Variants in CTNND2 observed in about 807,000 individuals in gnomAD.
CTNND2 encodes the protein catenin delta-2.
Under a neutral mutation model 144.4 loss-of-function variants are expected in CTNND2, and 22 were observed. The observed-to-expected ratio is 0.15, with a 90% CI of 0.11 to 0.22. The LOEUF is 0.22. CTNND2 is among the 10% of genes least tolerant of loss of function. The pLI is 1.00. For missense variants in CTNND2, 1,353 were observed against 1,618.8 expected, an observed-to-expected ratio of 0.84 and a Z score of 2.82; for synonymous variants, 751 against 695.6, an observed-to-expected ratio of 1.08 and a Z score of -1.25.
chr5:11,264,599 A>G (rs1745252190), intron 9 of CTNND2, among the ~76,000 whole-genome samples: 1 of 152,194 alleles, frequency 6.6e-6, no homozygotes, highest in African/African-American at 2.4e-5. Flanking sequence ...CGGCTACACT[A>G]TCTTAGAGGC....
chr5:11,768,934 G>C (rs1342720042), intron 1 of CTNND2, among the ~76,000 whole-genome samples: 1 of 152,096 alleles, frequency 6.6e-6, no homozygotes, highest in Non-Finnish European at 1.5e-5. Flanking sequence ...GCTCCCCTCA[G>C]TTAACATAAT....
In CTNND2 at chr5:11,102,970, A is replaced by ATTTTTTTTTTTTT. The variant is rs778134907; in HGVS notation, c.2464-4235_2464-4223dup. On this transcript the variant is annotated intron_variant, in intron 14 of 21. Transcript: ENST00000304623. Reference sequence around the variant, plus strand: ...GCAGGGCTTAAATTCTATTTAAAAGATTTTTTTTTTTTTTTTTTTTTTTTT... The same window carrying ATTTTTTTTTTTTT: ...GCAGGGCTTAAATTCTATTTAAAAGATTTTTTTTTTTTTTTTTTTTTTTTTTTTTTTTTTTTTT... Among the ~76,000 whole-genome samples the ATTTTTTTTTTTTT allele has an allele frequency of 1.9e-3, 163 of 84,078 alleles. 9 individuals carry two copies. The highest frequency in any genetic ancestry group is 3.0e-3 in the Non-Finnish European group (139 of 46,208). 55.2% of individuals were successfully genotyped at this position (84,078 alleles called of 152,430 possible).
chr5:11,879,795 A>G (rs1263433482), intron 1 of CTNND2, among the ~76,000 whole-genome samples: 3 of 152,152 alleles, frequency 2.0e-5, no homozygotes, highest in Admixed American at 6.5e-5. Flanking sequence ...TGCTTTTTCT[A>G]TGATGTGGGT....
intron 3 of CTNND2, among the ~76,000 whole-genome samples, chr5:11,514,858 A>G (rs774229671): frequency 9.9e-5 from 15 of 152,194 alleles, no homozygotes; most frequent in Non-Finnish European, 1.9e-4. Flanking sequence ...GATGGAGTGC[A>G]GTGGTGCGAT....
chr5:11,509,568 AG>A (rs1771434050), intron 3 of CTNND2, among the ~76,000 whole-genome samples: 1 of 152,226 alleles, frequency 6.6e-6, no homozygotes, highest in African/African-American at 2.4e-5. Flanking sequence ...TTACATTTAT[AG>A]GATACAGAAA....
intron 1 of CTNND2, among the ~76,000 whole-genome samples, chr5:11,779,687 T>C (rs1184934628): frequency 6.6e-6 from 1 of 152,226 alleles, no homozygotes; most frequent in Non-Finnish European, 1.5e-5. Context: ...TGTATAAATA[T>C]CAAATGGTTT....
chr5:11,534,134 T>A (rs1774002600), intron 3 of CTNND2, among the ~76,000 whole-genome samples: 1 of 152,242 alleles, frequency 6.6e-6, no homozygotes, highest in Non-Finnish European at 1.5e-5. Context: ...ATTTATATTT[T>A]GTAAGCCATT....
At chr5:11,036,515 C>T (rs554562059) in intron 16 of CTNND2, among the ~76,000 whole-genome samples, 8 of 152,080 alleles carry the variant, frequency 5.3e-5, no homozygotes, top group Middle Eastern at 3.4e-3. Flanking sequence ...CTGCCTCCTG[C>T]GTTCAAACAA....
intron 1 of CTNND2, among the ~76,000 whole-genome samples, chr5:11,869,029 A>G (rs10053321): frequency 0.65 from 99,158 of 152,052 alleles, 33,038 homozygotes; most frequent in East Asian, 0.81. Flanking sequence ...TTAGGGAAGC[A>G]CAAATCAAAA....
rs79981291 is a variant in CTNND2, at chr5:11,472,300, T to C, written c.288-60231A>G. Among the ~76,000 whole-genome samples, 533 of 152,354 alleles carry C rather than the reference T, an allele frequency of 3.5e-3. 4 individuals carry two copies. The highest frequency in any genetic ancestry group is 0.02 in the East Asian group (104 of 5,184). ...TATCTCAAGCCTTGACGTAGCTTTG[T>C]ATAACATTCCTGGCATCAGTACCAT... On this transcript the variant is annotated intron_variant, in intron 3 of 21. Coordinates refer to ENST00000304623, the MANE Select transcript of CTNND2 (RefSeq NM_001332.4).
At chr5:11,128,932 T>TATATATAATATATAATACATAA (rs1561350703) in intron 12 of CTNND2, among the ~76,000 whole-genome samples, 8 of 30,944 alleles carry the variant, frequency 2.6e-4, no homozygotes, top group African/African-American at 6.7e-4. Context: ...AATACATAAA[T>TATATATAATATATAATACATAA]ATATATATTA....
chr5:11,469,500 C>G (rs2149950990), intron 3 of CTNND2, among the ~76,000 whole-genome samples: 1 of 152,226 alleles, frequency 6.6e-6, no homozygotes, highest in South Asian at 2.1e-4. Flanking sequence ...GCCCTGAAAC[C>G]TGGATGCACG....
intron 3 of CTNND2, among the ~76,000 whole-genome samples, chr5:11,521,823 A>G (rs1772749714): frequency 6.6e-6 from 1 of 152,238 alleles, no homozygotes. Flanking sequence ...TTAAACATCC[A>G]TTAGGAAATA....
At chr5:11,791,083 C>A (rs115934930) in intron 1 of CTNND2, among the ~76,000 whole-genome samples, 3,296 of 152,150 alleles carry the variant, frequency 0.022, 102 homozygotes, top group African/African-American at 0.076. Context: ...GACAGTGGAG[C>A]AACATATCTA....
intron 10 of CTNND2, among the ~76,000 whole-genome samples, chr5:11,233,412 C>T (rs1030075312): frequency 9.9e-5 from 15 of 152,240 alleles, no homozygotes; most frequent in Admixed American, 5.9e-4. Flanking sequence ...TTCTGCCCTT[C>T]GTTCAATGGC....
chr5:11,185,849 C>T (rs757628829), intron 11 of CTNND2, among the ~76,000 whole-genome samples: 4 of 152,092 alleles, frequency 2.6e-5, no homozygotes, highest in Admixed American at 6.5e-5. Flanking sequence ...ATGTTGTGTT[C>T]GTTAACACTA....
chr5:11,782,955 G>C (rs1423030830), intron 1 of CTNND2, among the ~76,000 whole-genome samples: 1 of 152,126 alleles, frequency 6.6e-6, no homozygotes, highest in African/African-American at 2.4e-5. Context: ...TTCTCTTTTG[G>C]TGCTGGTCTA....
intron 12 of CTNND2, among the ~76,000 whole-genome samples, chr5:11,144,875 C>G (rs1156392494): frequency 2.6e-5 from 4 of 152,088 alleles, no homozygotes; most frequent in Non-Finnish European, 5.9e-5. Context: ...GTGCTCAGCC[C>G]CTGAGTCTCC....
At chr5:11,438,093 A>C (rs900850161) in intron 3 of CTNND2, among the ~76,000 whole-genome samples, 7 of 152,226 alleles carry the variant, frequency 4.6e-5, no homozygotes, top group African/African-American at 1.7e-4. Context: ...AGAAATATTA[A>C]GAGGATCTCA....
Sources: allele counts gnomAD v4.1 joint callset (sites outside exome capture counted in the v4.1 genomes callset), GRCh38; gene constraint gnomAD v4.1.1; transcripts MANE v1.5; gene names NCBI Gene and HGNC (gene_info 2026-07-23, HGNC 2026-07-21).